Variants in SGCG observed in about 807,000 individuals in gnomAD.
SGCG encodes the protein gamma-sarcoglycan.
A neutral mutation model predicts 29.3 loss-of-function variants in SGCG; 26 were observed. That is an observed-to-expected ratio of 0.89 (90% CI 0.65 to 1.23). The LOEUF is 1.23. SGCG is among the 50% of genes most tolerant of loss of function. SGCG has a pLI of 0.00. For missense variants in SGCG, 353 were observed against 356.0 expected (o/e 0.99, Z 0.07); for synonymous variants, 145 against 129.7 (o/e 1.12, Z -0.80).
intron 4 of SGCG, among the ~76,000 whole-genome samples, chr13:23,262,241 C>A (rs1474028630): frequency 6.6e-6 from 1 of 151,808 alleles, no homozygotes; most frequent in Non-Finnish European, 1.5e-5. Flanking sequence ...AATCACAAAC[C>A]AAATATCTGC....
At chr13:23,176,967 G>A (rs4432118), upstream of SGCG, among the ~76,000 whole-genome samples, 103,155 of 152,054 alleles carry the variant, frequency 0.68, 35,245 homozygotes, top group East Asian at 0.79. Flanking sequence ...TATAGAATCA[G>A]CCTATGTGTT....
At chr13:23,280,633 G>A (rs1566029269) in intron 5 of SGCG, among the ~76,000 whole-genome samples, 1 of 152,150 alleles carries the variant, frequency 6.6e-6, no homozygotes, top group Non-Finnish European at 1.5e-5. Context: ...ATATGGGCTG[G>A]GTAGACTTGG....
the SGCG span, among the ~76,000 whole-genome samples, chr13:23,171,541 A>G: frequency 9.9e-5 from 15 of 152,208 alleles, no homozygotes; most frequent in Non-Finnish European, 1.8e-4. Context: ...GGAGGCTATA[A>G]GGCATCTGCA....
Position 23,292,412 on chromosome 13 carries a change from G to A in SGCG, c.506-3003G>A, listed in dbSNP as rs181887210. Among the ~76,000 whole-genome samples, 5 of 152,124 alleles carry A rather than the reference G, an allele frequency of 3.3e-5. No homozygotes were observed. The East Asian group carries it at 5.8e-4, about 18-fold the overall frequency. The stretch of plus-strand genomic sequence containing the variant: ...GGCGTGAGCCACTGCGCCCACCGAC[G>A]TTTCTCTTTCTAATAAAACTCCCAA... On this transcript the variant is annotated intron_variant, in intron 5 of 7. Transcript: ENST00000218867.
intron 1 of SGCG, among the ~76,000 whole-genome samples, chr13:23,196,222 CCA>C (rs1477186907): frequency 2.0e-5 from 3 of 151,854 alleles, no homozygotes; most frequent in Non-Finnish European, 4.4e-5. Context: ...CATTTAATGT[CCA>C]GTTTTGCCCC....
At chr13:23,235,280 A>G (rs886483029) in intron 3 of SGCG, among the ~76,000 whole-genome samples, 3 of 151,914 alleles carry the variant, frequency 2.0e-5, no homozygotes, top group Non-Finnish European at 4.4e-5. Context: ...AATCGCTTGA[A>G]CCCAGGAAGC....
intron 4 of SGCG, 59 bp downstream of exon 4, chr13:23,250,776 GA>G (rs1879933946): frequency 1.1e-6 from 1 of 947,044 alleles, no homozygotes; most frequent in African/African-American, 1.6e-5. Flanking sequence ...AGTGCTAAAT[GA>G]ATGCATTGTT....
At chr13:23,318,203 A>AT (rs202134044) in intron 6 of SGCG, among the ~76,000 whole-genome samples, 53,083 of 149,936 alleles carry the variant, frequency 0.35, 10,774 homozygotes, top group Non-Finnish European at 0.44. Flanking sequence ...GTCCTACTAT[A>AT]ACTACTAGTT....
the SGCG span, among the ~76,000 whole-genome samples, chr13:23,161,443 C>T: frequency 2.0e-5 from 3 of 152,196 alleles, no homozygotes; most frequent in Non-Finnish European, 4.4e-5. Flanking sequence ...CCGTACTATT[C>T]ATGTACTAAT....
chr13:23,287,567 T>C (rs1466882500), intron 5 of SGCG, among the ~76,000 whole-genome samples: 1 of 152,150 alleles, frequency 6.6e-6, no homozygotes, highest in Non-Finnish European at 1.5e-5. Context: ...AGCTAACACA[T>C]GAGGATCGTT....
At chr13:23,200,254 C>A (rs1002261559) in intron 1 of SGCG, among the ~76,000 whole-genome samples, 2 of 152,066 alleles carry the variant, frequency 1.3e-5, no homozygotes, top group Non-Finnish European at 2.9e-5. Context: ...GAAACCCCGT[C>A]TCTACTAAAA....
intron 4 of SGCG, among the ~76,000 whole-genome samples, chr13:23,257,489 T>C (rs770656082): frequency 2.0e-5 from 3 of 152,168 alleles, no homozygotes; most frequent in Non-Finnish European, 1.5e-5. Flanking sequence ...TCTCCCATTC[T>C]GTAGGTTGCC....
the SGCG span, among the ~76,000 whole-genome samples, chr13:23,174,529 T>G: frequency 1.3e-5 from 2 of 152,062 alleles, no homozygotes; most frequent in African/African-American, 4.8e-5. Flanking sequence ...ATATAGTAGA[T>G]TAAAAATAAA....
intron 1 of SGCG, among the ~76,000 whole-genome samples, chr13:23,196,437 A>G (rs74039771): frequency 0.055 from 8,311 of 152,174 alleles, 318 homozygotes; most frequent in East Asian, 0.22. Flanking sequence ...TTTTTCAAAC[A>G]CCTGGCCAAT....
chr13:23,228,008 G>A (rs959120890), intron 2 of SGCG, among the ~76,000 whole-genome samples: 3 of 151,878 alleles, frequency 2.0e-5, no homozygotes, highest in African/African-American at 4.8e-5. Flanking sequence ...ATGGGATTTT[G>A]CCATGTTGCC....
At chr13:23,254,858 G>A (rs1403896131) in intron 4 of SGCG, among the ~76,000 whole-genome samples, 5 of 152,320 alleles carry the variant, frequency 3.3e-5, no homozygotes, top group East Asian at 1.9e-4. Context: ...TGTGGAAGGC[G>A]CAAGCCATAA....
At chr13:23,178,743 G>T (rs913160047), upstream of SGCG, among the ~76,000 whole-genome samples, 1 of 152,062 alleles carries the variant, frequency 6.6e-6, no homozygotes, top group African/African-American at 2.4e-5. Context: ...TCTCAAAATA[G>T]AAATGATTTC....
chr13:23,192,507 C>G (rs1488095576), intron 1 of SGCG, among the ~76,000 whole-genome samples: 4 of 152,184 alleles, frequency 2.6e-5, no homozygotes, highest in Non-Finnish European at 5.9e-5. Context: ...GATTCCCCTG[C>G]CTCAGCCTCC....
the SGCG span, among the ~76,000 whole-genome samples, chr13:23,170,818 A>G: frequency 6.6e-6 from 1 of 152,228 alleles, no homozygotes; most frequent in South Asian, 2.1e-4. Flanking sequence ...AGGTAGTGTC[A>G]GGAGCAAGAC....
Sources: allele counts gnomAD v4.1 joint callset (sites outside exome capture counted in the v4.1 genomes callset), GRCh38; gene constraint gnomAD v4.1.1; transcripts MANE v1.5; gene names NCBI Gene and HGNC (gene_info 2026-07-23, HGNC 2026-07-21).